Variants in PMFBP1 observed in about 807,000 individuals in gnomAD.
PMFBP1 encodes polyamine-modulated factor 1-binding protein 1.
PMFBP1 carries 131 observed loss-of-function variants against 137.8 expected under a neutral mutation model. The ratio of observed to expected loss-of-function variants is 0.95; its 90% CI spans 0.82 to 1.10. PMFBP1 has a LOEUF of 1.10. PMFBP1 is among the 50% of genes least tolerant of loss of function. The pLI is 0.00. For missense variants in PMFBP1, 1,199 were observed against 1,175.4 expected (o/e 1.02, Z -0.29); for synonymous variants, 490 against 450.4 (o/e 1.09, Z -1.11).
chr16:72,182,184 T>C, the PMFBP1 span, among the ~76,000 whole-genome samples: 4 of 152,126 alleles, frequency 2.6e-5, no homozygotes, highest in South Asian at 2.1e-4. Flanking sequence ...ACAGGTATTC[T>C]AGAAGAGAGG....
chr16:72,135,740 GTTTTTTTTTTTT>G (rs869189990), intron 9 of PMFBP1, among the ~76,000 whole-genome samples: 1 of 66,816 alleles, frequency 1.5e-5, no homozygotes, highest in Non-Finnish European at 2.6e-5. Context: ...TAATTTTTCT[GTTTTTTTTTTTT>G]TTTTTTTTTT....
chr16:72,232,286 A>G, the PMFBP1 span, among the ~76,000 whole-genome samples: 2 of 152,182 alleles, frequency 1.3e-5, no homozygotes, highest in Non-Finnish European at 2.9e-5. Context: ...TTTGCTGAAC[A>G]ATAAATATCT....
At position 72,154,210 on chromosome 16, in the gene PMFBP1, C is replaced by T. The variant is rs767149471; in HGVS notation, c.414+1G>A. 1 of 1,613,762 alleles carries T rather than the reference C, an allele frequency of 6.2e-7. No individual in the cohort carries two copies. The highest frequency in any genetic ancestry group is 8.5e-7 in the Non-Finnish European group (1 of 1,179,972). On this transcript the variant is annotated splice_donor_variant, in intron 4 of 20. Coordinates refer to ENST00000237353, the MANE Select transcript of PMFBP1 (RefSeq NM_031293.3). LOFTEE classifies it high-confidence loss of function. ...TATTTCCATGGTTAATCTGTCTATA[C>T]CTCATCTTCTTTCAGTTTGCAGTGA...
chr16:72,239,785 G>A, the PMFBP1 span, among the ~76,000 whole-genome samples: 5 of 151,032 alleles, frequency 3.3e-5, no homozygotes, highest in South Asian at 4.2e-4. Flanking sequence ...CCAGCTACTC[G>A]GGAGGCACGA....
intron 18 of PMFBP1, 59 bp downstream of exon 18, chr16:72,123,487 T>G (rs2042407338): frequency 6.1e-6 from 9 of 1,479,316 alleles, no homozygotes; most frequent in Non-Finnish European, 8.4e-6. Flanking sequence ...GGCACGCATG[T>G]GGCTCCTCGG....
the PMFBP1 span, among the ~76,000 whole-genome samples, chr16:72,206,399 C>T: frequency 2.0e-5 from 3 of 152,162 alleles, no homozygotes; most frequent in African/African-American, 4.8e-5. Flanking sequence ...GATGCTCACT[C>T]GTGGCCATGA....
At chr16:72,207,440 G>C in the PMFBP1 span, among the ~76,000 whole-genome samples, 4 of 152,166 alleles carry the variant, frequency 2.6e-5, no homozygotes, top group Non-Finnish European at 5.9e-5. Flanking sequence ...TTTTAGGAGA[G>C]ATAGGGGCAC....
chr16:72,191,144 T>C, the PMFBP1 span, among the ~76,000 whole-genome samples: 65 of 152,322 alleles, frequency 4.3e-4, no homozygotes, highest in African/African-American at 1.3e-3. Flanking sequence ...GGATTTCTCA[T>C]TGGGTCATCA....
At chr16:72,154,084 G>C in intron 4 of PMFBP1, 127 bp downstream of exon 4, 1 of 1,281,316 alleles carries the variant, frequency 7.8e-7, no homozygotes, top group South Asian at 1.5e-5. Flanking sequence ...AAGGGGGAAG[G>C]TTTATAAAAC....
chr16:72,162,795 G>A (rs1396109080), intron 3 of PMFBP1, among the ~76,000 whole-genome samples: 1 of 152,212 alleles, frequency 6.6e-6, no homozygotes, highest in Non-Finnish European at 1.5e-5. Context: ...TAAGCCACAT[G>A]GCTTTCCCTG....
chr16:72,217,961 A>G, the PMFBP1 span, among the ~76,000 whole-genome samples: 1 of 152,238 alleles, frequency 6.6e-6, no homozygotes, highest in African/African-American at 2.4e-5. Flanking sequence ...CAAACTATCA[A>G]CATGATGCCT....
At chr16:72,206,266 C>A in the PMFBP1 span, among the ~76,000 whole-genome samples, 1 of 152,160 alleles carries the variant, frequency 6.6e-6, no homozygotes, top group Admixed American at 6.5e-5. Flanking sequence ...TGAGATCATG[C>A]CTGTGACAGT....
chr16:72,241,231 T>C, the PMFBP1 span, among the ~76,000 whole-genome samples: 5 of 152,306 alleles, frequency 3.3e-5, no homozygotes, highest in South Asian at 8.3e-4. Flanking sequence ...CTCATGCTTT[T>C]ATACAGCAGG....
the PMFBP1 span, among the ~76,000 whole-genome samples, chr16:72,219,766 C>T: frequency 1.3e-5 from 2 of 152,150 alleles, no homozygotes; most frequent in African/African-American, 4.8e-5. Flanking sequence ...AGAGCCTTCA[C>T]AGAGGAAAGC....
chr16:72,210,936 C>T, the PMFBP1 span, among the ~76,000 whole-genome samples: 1 of 152,312 alleles, frequency 6.6e-6, no homozygotes, highest in East Asian at 1.9e-4. Flanking sequence ...CAAGATCTTC[C>T]ATATGCCAGA....
intron 3 of PMFBP1, chr16:72,164,249 T>C: frequency 2.3e-6 from 1 of 436,212 alleles, no homozygotes; most frequent in South Asian, 1.9e-5. Flanking sequence ...CTAGGGGCAT[T>C]AACTCTTGAG....
At chr16:72,138,507 T>G (rs1014610138) in intron 7 of PMFBP1, among the ~76,000 whole-genome samples, 3 of 152,196 alleles carry the variant, frequency 2.0e-5, no homozygotes, top group Admixed American at 6.5e-5. Context: ...TCATCAACTT[T>G]TATTTATTTA....
chr16:72,130,073 TG>T, intron 12 of PMFBP1, 139 bp downstream of exon 12: 2 of 1,105,406 alleles, frequency 1.8e-6, no homozygotes, highest in Non-Finnish European at 1.3e-6. Flanking sequence ...TAGGCTGGTC[TG>T]GAACCCCTGG....
At chr16:72,174,485 T>C (rs1188259626), upstream of PMFBP1, among the ~76,000 whole-genome samples, 1 of 152,236 alleles carries the variant, frequency 6.6e-6, no homozygotes, top group African/African-American at 2.4e-5. Flanking sequence ...TCCATGGTCA[T>C]GGGCATCTCT....
Sources: gnomAD v4.1 joint callset for allele counts (sites outside exome capture counted in the v4.1 genomes callset) on GRCh38, gnomAD v4.1.1 for gene constraint, MANE v1.5 for transcripts, NCBI Gene and HGNC (gene_info 2026-07-23, HGNC 2026-07-21) for gene names.